ZRANB3: variants seen among roughly 807,000 people sequenced by gnomAD.
ZRANB3 encodes DNA annealing helicase and endonuclease ZRANB3.
ZRANB3 carries 125 observed loss-of-function variants against 133.8 expected under a neutral mutation model. The ratio of observed to expected loss-of-function variants is 0.93; its 90% CI spans 0.81 to 1.08. ZRANB3 has a LOEUF of 1.08. Among genes scored for constraint, ZRANB3 ranks in the 50% least tolerant of loss-of-function variants. The pLI is 0.00. For synonymous variants in ZRANB3, 387 were observed against 432.7 expected (o/e 0.89, Z 1.31); for missense variants, 1,229 against 1,275.5 (o/e 0.96, Z 0.56).
chr2:135,482,112 T>C lies in ZRANB3; in HGVS notation c.161+22217A>G, dbSNP rs1339797967. Among the ~76,000 whole-genome samples the C allele has an allele frequency of 6.6e-5, 9 of 137,376 alleles. No individual in the cohort carries two copies. In the South Asian group the frequency reaches 2.2e-3, roughly 33 times the overall value. The allele number at this position is 137,376 out of a possible 152,430, so 90.1% of individuals were successfully genotyped here. On this transcript the variant is annotated intron_variant, in intron 2 of 20. Coordinates refer to ENST00000264159, the MANE Select transcript of ZRANB3 (RefSeq NM_032143.4). ...TTGGCGATGCGGGCTCTTTTTTGGT[T>C]CCATATGAACTTTAAAGTAGTTTTT...
intron 8 of ZRANB3, among the ~76,000 whole-genome samples, chr2:135,276,233 AG>A (rs1680816676): frequency 6.7e-6 from 1 of 149,618 alleles, no homozygotes; most frequent in Non-Finnish European, 1.5e-5. Flanking sequence ...GTTTAAGGAA[AG>A]TTTTTTTTTT....
chr2:135,499,035 G>T (rs1295888024), intron 2 of ZRANB3, among the ~76,000 whole-genome samples: 1 of 151,968 alleles, frequency 6.6e-6, no homozygotes, highest in East Asian at 1.9e-4. Flanking sequence ...GGATCTCTGT[G>T]ACCCACACCC....
chr2:135,466,580 T>G (rs1691011111), intron 2 of ZRANB3, among the ~76,000 whole-genome samples: 1 of 152,076 alleles, frequency 6.6e-6, no homozygotes, highest in African/African-American at 2.4e-5. Context: ...AATCTTGGAT[T>G]AATCACTCAA....
At chr2:135,478,995 G>A (rs996592390) in intron 2 of ZRANB3, among the ~76,000 whole-genome samples, 2 of 150,810 alleles carry the variant, frequency 1.3e-5, no homozygotes, top group African/African-American at 5.0e-5. Context: ...CTAGCTCTCA[G>A]AACACACATA....
intron 2 of ZRANB3, among the ~76,000 whole-genome samples, chr2:135,417,203 T>C (rs1435688316): frequency 1.3e-5 from 2 of 152,258 alleles, no homozygotes; most frequent in East Asian, 3.9e-4. Flanking sequence ...ATTTTTGCAA[T>C]CTATTCATCT....
chr2:135,347,316 G>A (rs1159179717), intron 5 of ZRANB3, among the ~76,000 whole-genome samples: 4 of 137,534 alleles, frequency 2.9e-5, no homozygotes, highest in African/African-American at 1.2e-4. Context: ...TTTTTGAGAC[G>A]GAGTCTCGCT....
chr2:135,280,327 G>GGAGGCCAAGA (rs1681041606), intron 8 of ZRANB3, among the ~76,000 whole-genome samples: 1 of 152,184 alleles, frequency 6.6e-6, no homozygotes, highest in African/African-American at 2.4e-5. Flanking sequence ...CAGCACTTTG[G>GGAGGCCAAGA]GAGGCCAAGG....
At chr2:135,523,838 T>C (rs1477906560) in intron 1 of ZRANB3, among the ~76,000 whole-genome samples, 1 of 152,180 alleles carries the variant, frequency 6.6e-6, no homozygotes, top group Non-Finnish European at 1.5e-5. Flanking sequence ...CATGAGAGAA[T>C]ACAGAGGGTA....
rs549678750 is a variant in ZRANB3 at position 135,341,390 on chromosome 2, T to C, written c.677+4160A>G. 3.7e-4 allele frequency among the ~76,000 whole-genome samples: 56 copies of C among 150,178 alleles called. 1 individual carries two copies. Among genetic ancestry groups the C allele is most frequent in the Middle Eastern group, 6.8e-3 (2 of 294 alleles). On this transcript the variant is annotated intron_variant, in intron 6 of 20. Transcript: ENST00000264159. ...CCCAATCAATACTCTTATAATTTCCTATCCTTGTGTTTACTTTAATCTCTT... is the reference window on the plus strand; with the variant it reads ...CCCAATCAATACTCTTATAATTTCCCATCCTTGTGTTTACTTTAATCTCTT...
chr2:135,525,201 A>C (rs1299350268), intron 1 of ZRANB3, among the ~76,000 whole-genome samples: 2 of 152,210 alleles, frequency 1.3e-5, no homozygotes, highest in East Asian at 3.8e-4. Context: ...GGCTACACAA[A>C]AGAGACTAAA....
chr2:135,508,889 AAC>A (rs879940019), intron 1 of ZRANB3, among the ~76,000 whole-genome samples: 2 of 152,136 alleles, frequency 1.3e-5, no homozygotes, highest in Admixed American at 6.5e-5. Context: ...CCAAGAAATT[AAC>A]AGTTACAATA....
chr2:135,318,750 TA>T lies in ZRANB3; in HGVS notation c.678-3221del, dbSNP rs1418942023. On this transcript the variant is annotated intron_variant, in intron 6 of 20. Coordinates refer to ENST00000264159, the MANE Select transcript of ZRANB3 (RefSeq NM_032143.4). ...TATCTGAAAGTTTACAATAAGCAAA[TA>T]ATGCTTTTGTAATTAAAATTCAATG... Among the ~76,000 whole-genome samples, 5 of 152,240 alleles carry T rather than the reference TA, an allele frequency of 3.3e-5. No homozygotes were observed. In the East Asian group the frequency reaches 9.7e-4, roughly 29 times the overall value.
At chr2:135,232,607 A>G (rs1014252688) in intron 12 of ZRANB3, among the ~76,000 whole-genome samples, 1 of 152,208 alleles carries the variant, frequency 6.6e-6, no homozygotes, top group African/African-American at 2.4e-5. Context: ...CTCCAGAGGA[A>G]TGATCAGGCA....
intron 2 of ZRANB3, among the ~76,000 whole-genome samples, chr2:135,411,684 A>G (rs915448906): frequency 6.6e-6 from 1 of 152,196 alleles, no homozygotes; most frequent in Non-Finnish European, 1.5e-5. Context: ...CAGAAAATCA[A>G]ATACCTCATG....
chr2:135,329,806 CTT>C (rs1006831935), intron 6 of ZRANB3, among the ~76,000 whole-genome samples: 5 of 151,810 alleles, frequency 3.3e-5, no homozygotes, highest in Admixed American at 2.6e-4. Context: ...TTTGTATTCT[CTT>C]TGTAACAATT....
intron 8 of ZRANB3, 127 bp from the exon 9 acceptor site, chr2:135,275,882 C>G: frequency 1.5e-6 from 1 of 674,362 alleles, no homozygotes; most frequent in South Asian, 4.8e-5. Flanking sequence ...GCATTGTTCT[C>G]TAGGTAGCCT....
At chr2:135,276,917 G>A (rs552360562) in intron 8 of ZRANB3, among the ~76,000 whole-genome samples, 68 of 152,282 alleles carry the variant, frequency 4.5e-4, no homozygotes, top group African/African-American at 1.5e-3. Context: ...TAATGTTTAA[G>A]TAGTTGATTA....
Position 135,478,320 on chromosome 2 carries a change from A to C in ZRANB3, c.161+26009T>G, listed in dbSNP as rs549276815. Among the ~76,000 whole-genome samples the C allele has an allele frequency of 1.6e-4, 25 of 152,202 alleles. No individual in the cohort carries two copies. The South Asian group carries it at 5.0e-3, about 30-fold the overall frequency. On this transcript the variant is annotated intron_variant, in intron 2 of 20. Coordinates refer to ENST00000264159, the MANE Select transcript of ZRANB3 (RefSeq NM_032143.4). ...GTATATGGCTTAAGAAAATTCAAAAATTTTCATAAAAAGAGCATACCAATG... is the reference window on the plus strand; with the variant it reads ...GTATATGGCTTAAGAAAATTCAAAACTTTTCATAAAAAGAGCATACCAATG...
At chr2:135,467,504 G>C (rs1021896481) in intron 2 of ZRANB3, among the ~76,000 whole-genome samples, 1 of 152,120 alleles carries the variant, frequency 6.6e-6, no homozygotes, top group African/African-American at 2.4e-5. Flanking sequence ...CCCTCCCAGG[G>C]GGTGTTCCTT....
Sources: allele counts gnomAD v4.1 joint callset (sites outside exome capture counted in the v4.1 genomes callset), GRCh38; gene constraint gnomAD v4.1.1; transcripts MANE v1.5; gene names NCBI Gene and HGNC (gene_info 2026-07-23, HGNC 2026-07-21).